Variants in BRAF observed in about 807,000 individuals in gnomAD.
The protein encoded by BRAF is serine/threonine-protein kinase B-raf.
In BRAF, 16 loss-of-function variants were observed where a neutral mutation model predicts 104.6. The ratio of observed to expected loss-of-function variants is 0.15; its 90% CI spans 0.10 to 0.23. The LOEUF is 0.23. BRAF is among the 10% of genes least tolerant of loss of function. BRAF has a pLI of 1.00. For synonymous variants in BRAF, 310 were observed against 341.6 expected (o/e 0.91, Z 1.02); for missense variants, 541 against 937.3 (o/e 0.58, Z 5.52).
At chr7:140,753,547 G>A (rs1460785073) in intron 15 of BRAF, 154 bp from the exon 15 acceptor site, 1 of 584,182 alleles carries the variant, frequency 1.7e-6, no homozygotes, top group East Asian at 3.2e-5. Context: ...GAGTCAATAA[G>A]TATGTCTAAA....
chr7:140,748,327 C>T (rs1302663757), intron 17 of BRAF, among the ~76,000 whole-genome samples: 2 of 152,070 alleles, frequency 1.3e-5, no homozygotes, highest in Non-Finnish European at 1.5e-5. Context: ...AAAGCCTGCA[C>T]TGTTTTTAAA....
At chr7:140,861,638 G>A (rs1810428913) in intron 1 of BRAF, among the ~76,000 whole-genome samples, 1 of 152,210 alleles carries the variant, frequency 6.6e-6, no homozygotes, top group Non-Finnish European at 1.5e-5. Context: ...GCATGGGCAT[G>A]ATAAACAGTA....
At chr7:140,808,833 C>G in intron 4 of BRAF, 59 bp downstream of exon 4, 2 of 1,408,744 alleles carry the variant, frequency 1.4e-6, no homozygotes, top group South Asian at 2.3e-5. Context: ...AAGAAAACTT[C>G]AAAGTTTAAT....
In BRAF at chr7:140,720,036, A is replaced by C. The variant is rs1795247245; in HGVS notation, c.*6458T>G. ...ATGTCCTCAAACCAAGGAATACATGAAAAGGGGGGATTTCCTTTTTCTTGG... is the reference window on the plus strand; with the variant it reads ...ATGTCCTCAAACCAAGGAATACATGCAAAGGGGGGATTTCCTTTTTCTTGG... On this transcript the variant is annotated 3_prime_UTR_variant, in exon 20 of 20. Transcript: ENST00000644969. 1 of 1,061,536 alleles carries C rather than the reference A, an allele frequency of 9.4e-7. No homozygotes were observed. The highest frequency in any genetic ancestry group is 1.6e-5 in the African/African-American group (1 of 60,852). 65.8% of individuals were successfully genotyped at this position (1,061,536 alleles called of 1,614,324 possible).
chr7:140,720,679 G>A lies in BRAF; in HGVS notation c.*5815C>T. On this transcript the variant is annotated 3_prime_UTR_variant, in exon 20 of 20. Transcript: ENST00000644969. Reference sequence around the variant, plus strand: ...ATTTACTGCCACCTCACCCCATTTTGGTCTCTGTTCTCTACATCTGTGCCT... The same window carrying A: ...ATTTACTGCCACCTCACCCCATTTTAGTCTCTGTTCTCTACATCTGTGCCT... 9.4e-7 allele frequency: 1 copy of A among 1,065,618 alleles called. No homozygotes were observed. Among genetic ancestry groups the A allele is most frequent in the Non-Finnish European group, 1.1e-6 (1 of 879,558 alleles). The allele number at this position is 1,065,618 out of a possible 1,614,324, so 66.0% of individuals were successfully genotyped here. A position where few individuals can be genotyped will look rare whatever the true frequency, so the allele number is the denominator to read the frequency against.
intron 14 of BRAF, among the ~76,000 whole-genome samples, chr7:140,761,357 C>CA (rs1798710138): frequency 6.6e-6 from 1 of 152,046 alleles, no homozygotes; most frequent in South Asian, 2.1e-4. Context: ...TTGCCACCCC[C>CA]AGGCCTGCCC....
At chr7:140,785,500 A>G (rs546129924) in intron 10 of BRAF, among the ~76,000 whole-genome samples, 1 of 152,362 alleles carries the variant, frequency 6.6e-6, no homozygotes, top group South Asian at 2.1e-4. Flanking sequence ...CAGACAGCAT[A>G]CAGAAAGCTT....
In BRAF at chr7:140,829,343, AT is replaced by A. The variant is rs558419776; in HGVS notation, c.504+5265del. Among the ~76,000 whole-genome samples the A allele has an allele frequency of 6.5e-3, 878 of 134,726 alleles. 2 individuals carry two copies. The highest frequency in any genetic ancestry group is 0.014 in the East Asian group (66 of 4,692). The allele number at this position is 134,726 out of a possible 152,430, so 88.4% of individuals were successfully genotyped here. ...ACTAGATTTTTCTTGAAAGATTTAC[AT>A]TTTTTTTTTTTTTTGGTATTTAATC... On this transcript the variant is annotated intron_variant, in intron 3 of 19. Transcript: ENST00000644969.
At chr7:140,844,201 C>A (rs1274970774) in intron 2 of BRAF, among the ~76,000 whole-genome samples, 1 of 151,418 alleles carries the variant, frequency 6.6e-6, no homozygotes, top group East Asian at 1.9e-4. Context: ...AGGGCGCACC[C>A]TTCTATAGAC....
At chr7:140,858,518 T>C (rs1192175646) in intron 1 of BRAF, among the ~76,000 whole-genome samples, 1 of 152,186 alleles carries the variant, frequency 6.6e-6, no homozygotes, top group African/African-American at 2.4e-5. Flanking sequence ...AATCATTTCA[T>C]GGGAGAACAA....
intron 14 of BRAF, among the ~76,000 whole-genome samples, chr7:140,764,580 G>C (rs1026297364): frequency 3.9e-5 from 6 of 152,058 alleles, no homozygotes; most frequent in African/African-American, 1.5e-4. Context: ...TCCTTAAGCT[G>C]ATAAGCAACT....
chr7:140,721,345 G>T lies in BRAF; in HGVS notation c.*5149C>A. 3 of 1,208,154 alleles carry T rather than the reference G, an allele frequency of 2.5e-6. No individual in the cohort carries two copies. The highest frequency in any genetic ancestry group is 1.6e-5 in the African/African-American group (1 of 63,798). The allele number at this position is 1,208,154 out of a possible 1,614,324, so 74.8% of individuals were successfully genotyped here. On this transcript the variant is annotated 3_prime_UTR_variant, in exon 20 of 20. Transcript: ENST00000644969. ...CCTTAATTTAAGATTTTAGGAGTTG[G>T]GTTTCTGTCCTTTTCCACATTAAAA...
At chr7:140,893,959 C>T (rs1002057237) in intron 1 of BRAF, among the ~76,000 whole-genome samples, 31 of 152,212 alleles carry the variant, frequency 2.0e-4, no homozygotes, top group African/African-American at 7.0e-4. Context: ...TGATGAAACC[C>T]TGCCTCTACA....
At chr7:140,857,896 A>C (rs1809980290) in intron 1 of BRAF, among the ~76,000 whole-genome samples, 1 of 152,178 alleles carries the variant, frequency 6.6e-6, no homozygotes, top group Non-Finnish European at 1.5e-5. Flanking sequence ...TAAAAATTAA[A>C]AGGGTGGGAG....
intron 1 of BRAF, among the ~76,000 whole-genome samples, chr7:140,886,310 C>A (rs1225688201): frequency 6.6e-6 from 1 of 152,192 alleles, no homozygotes; most frequent in Non-Finnish European, 1.5e-5. Context: ...CTCTAACTCC[C>A]ATTCTGCTCT....
chr7:140,726,019 T>C lies in BRAF; in HGVS notation c.*475A>G, dbSNP rs1795578829. 4.7e-6 allele frequency: 5 copies of C among 1,070,290 alleles called. No individual in the cohort carries two copies. The highest frequency in any genetic ancestry group is 4.5e-6 in the Non-Finnish European group (4 of 882,768). The allele number at this position is 1,070,290 out of a possible 1,614,324, so 66.3% of individuals were successfully genotyped here. ...CCCTCAGAAACTAACTGGTGGTCAC[T>C]AGGGGAAAGAGCTCCAAAACAAAAT... On this transcript the variant is annotated 3_prime_UTR_variant, in exon 20 of 20. Transcript: ENST00000644969.
At chr7:140,783,527 TATATAACAAATACA>T (rs1264671519) in intron 10 of BRAF, 1 of 236,220 alleles carries the variant, frequency 4.2e-6, no homozygotes, top group Non-Finnish European at 8.3e-6. Context: ...TGTAAAAGCC[TATATAACAAATACA>T]TTTTTAATTA....
Position 140,878,264 on chromosome 7 carries a change from T to A in BRAF, c.139-28052A>T, listed in dbSNP as rs188579317. 7.7e-3 allele frequency among the ~76,000 whole-genome samples: 1,165 copies of A among 152,126 alleles called. 18 individuals are homozygous for A. The highest frequency in any genetic ancestry group is 0.027 in the African/African-American group (1,101 of 41,496). On this transcript the variant is annotated intron_variant, in intron 1 of 19. Coordinates refer to ENST00000644969, the MANE Select transcript of BRAF (RefSeq NM_001374258.1). The stretch of plus-strand genomic sequence containing the variant: ...TCCACCCCTACCTCACACCATATTT[T>A]AAAAACCCTCAAAATGAATAAATGA...
At position 140,722,328 on chromosome 7, in the gene BRAF, C is replaced by A; in HGVS notation, c.*4166G>T. On this transcript the variant is annotated 3_prime_UTR_variant, in exon 20 of 20. Transcript: ENST00000644969. ...ATTTACCTATGCAGTCTAAATTGCA[C>A]TCTAAAAATTATTAACACAGCTGAG... 4 of 1,055,420 alleles carry A rather than the reference C, an allele frequency of 3.8e-6. No homozygotes were observed. Among genetic ancestry groups the A allele is most frequent in the Non-Finnish European group, 4.6e-6 (4 of 873,056 alleles). 65.4% of individuals were successfully genotyped at this position (1,055,420 alleles called of 1,614,324 possible).
Sources: gnomAD v4.1 joint callset for allele counts (sites outside exome capture counted in the v4.1 genomes callset) on GRCh38, gnomAD v4.1.1 for gene constraint, MANE v1.5 for transcripts, NCBI Gene and HGNC (gene_info 2026-07-23, HGNC 2026-07-21) for gene names.